The following LPAR1 variants were observed in gnomAD, a reference collection of about 807,000 sequenced individuals.
The protein encoded by LPAR1 is LPA receptor 1.
In LPAR1, 5 loss-of-function variants were observed where a neutral mutation model predicts 23.8. That is an observed-to-expected ratio of 0.21 (90% CI 0.11 to 0.44). The LOEUF is 0.44. LPAR1 is among the 20% of genes least tolerant of loss of function. The pLI, the probability that LPAR1 is intolerant of heterozygous loss-of-function variation, is 0.99. For synonymous variants in LPAR1, 160 were observed against 164.7 expected (o/e 0.97, Z 0.22); for missense variants, 311 against 482.8 (o/e 0.64, Z 3.33).
In LPAR1 at chr9:110,972,172, T is replaced by C; in HGVS notation, c.-55A>G. The C allele has an allele frequency of 2.6e-6, 4 of 1,545,058 alleles. No homozygotes were observed. The South Asian group carries it at 3.3e-5, about 13-fold the overall frequency. On this transcript the variant is annotated 5_prime_UTR_variant, in exon 4 of 6. Coordinates refer to ENST00000683809, the MANE Select transcript of LPAR1 (RefSeq NM_001351411.2). ...CGCCCCAGAACTACGGGAGACAAAT[T>C]TTCTTGTTTGCTGATCAGATCGAAG...
At position 110,941,604 on chromosome 9, in the gene LPAR1, C is replaced by A; in HGVS notation, c.610G>T (p.Asp204Tyr). The A allele has an allele frequency of 6.2e-7, 1 of 1,614,124 alleles. No individual in the cohort carries two copies. Among genetic ancestry groups the A allele is most frequent in the Non-Finnish European group, 8.5e-7 (1 of 1,180,002 alleles). The part of the protein sequence containing the change: ...NCSNMAPLYS[D>Y]SYLVFWAIFN... ...ATGGCCCAGAAGACTAAGTAAGAGTCACTGTAGAGGGGTGCCATGTTGGAA... is the reference window on the plus strand; with the variant it reads ...ATGGCCCAGAAGACTAAGTAAGAGTAACTGTAGAGGGGTGCCATGTTGGAA... Residue 204 changes from aspartate (D) to tyrosine (Y), a missense_variant, in exon 5 of 6, where the codon GAC (aspartate) becomes TAC (tyrosine). Coordinates refer to ENST00000683809, the MANE Select transcript of LPAR1 (RefSeq NM_001351411.2). This position sits in a 1 kb window ranked among gnomAD's most constrained non-coding sequence, Gnocchi z 6.1.
intron 4 of LPAR1, among the ~76,000 whole-genome samples, chr9:110,963,468 G>T (rs972027218): frequency 2.0e-5 from 3 of 152,096 alleles, no homozygotes; most frequent in Non-Finnish European, 4.4e-5. Context: ...GCCTTCCTTT[G>T]ATGGGTCTTC....
Position 110,911,936 on chromosome 9 carries a change from G to C in LPAR1, c.793+29485C>G, listed in dbSNP as rs149307861. 1.8e-4 allele frequency among the ~76,000 whole-genome samples: 28 copies of C among 152,306 alleles called. 1 individual carries two copies. In the East Asian group the frequency reaches 4.1e-3, roughly 22 times the overall value. ...AACACTTATAATACAGAAAAGGGCT[G>C]GGTGATTGTTTTAACGGCCAGCCGG... On this transcript the variant is annotated intron_variant, in intron 5 of 5. Transcript: ENST00000683809.
At chr9:110,929,991 A>T (rs2094297347) in intron 5 of LPAR1, among the ~76,000 whole-genome samples, 1 of 152,190 alleles carries the variant, frequency 6.6e-6, no homozygotes, top group Non-Finnish European at 1.5e-5. Flanking sequence ...CAGATGAAAC[A>T]GCTGCCTGTG....
chr9:110,876,033 C>T (rs1355453117), intron 5 of LPAR1, among the ~76,000 whole-genome samples: 1 of 152,170 alleles, frequency 6.6e-6, no homozygotes, highest in Non-Finnish European at 1.5e-5. Flanking sequence ...TCAGGAAACA[C>T]TTCACCTCAC....
intron 1 of LPAR1, among the ~76,000 whole-genome samples, chr9:111,036,496 C>T (rs2097898211): frequency 1.3e-5 from 2 of 152,092 alleles, no homozygotes; most frequent in South Asian, 2.1e-4. Flanking sequence ...CTTCCCCCTC[C>T]TACCTTTTCC....
At chr9:110,875,769 G>A (rs1225601449) in intron 5 of LPAR1, 47 bp from the exon 6 acceptor site, 3 of 1,074,576 alleles carry the variant, frequency 2.8e-6, no homozygotes, top group Non-Finnish European at 1.3e-6. Context: ...AAAAGAGAAT[G>A]AAAAAATATT....
chr9:110,879,396 T>C (rs901265942), intron 5 of LPAR1, among the ~76,000 whole-genome samples: 21 of 116,962 alleles, frequency 1.8e-4, no homozygotes, highest in African/African-American at 6.9e-4. Flanking sequence ...CCAGCCTGAG[T>C]GACAGAGCAA....
At chr9:111,011,562 T>C (rs766270684) in intron 2 of LPAR1, among the ~76,000 whole-genome samples, 7 of 152,218 alleles carry the variant, frequency 4.6e-5, no homozygotes, top group Non-Finnish European at 8.8e-5. Context: ...CCGATGAAGA[T>C]AGAGATCAGA....
chr9:110,950,791 T>A (rs1416578255), intron 4 of LPAR1, among the ~76,000 whole-genome samples: 1 of 152,158 alleles, frequency 6.6e-6, no homozygotes, highest in Non-Finnish European at 1.5e-5. Context: ...AATAGAGATG[T>A]AAAGATGTCA....
intron 5 of LPAR1, among the ~76,000 whole-genome samples, chr9:110,936,900 C>CATGGTCAAATA (rs1260319674): frequency 6.6e-6 from 1 of 152,114 alleles, no homozygotes; most frequent in Admixed American, 6.6e-5. Context: ...CAAGACATGC[C>CATGGTCAAATA]ATGGTCAAAT....
chr9:110,937,486 A>C (rs564434305), intron 5 of LPAR1, among the ~76,000 whole-genome samples: 1 of 152,282 alleles, frequency 6.6e-6, no homozygotes, highest in South Asian at 2.1e-4. Context: ...ACCTCTCCTT[A>C]CCTCAGTTTT....
At chr9:111,019,890 T>G (rs2097529864) in intron 2 of LPAR1, among the ~76,000 whole-genome samples, 1 of 152,146 alleles carries the variant, frequency 6.6e-6, no homozygotes, top group African/African-American at 2.4e-5. Flanking sequence ...AAAAAATTTA[T>G]TTTCTCATAA....
intron 4 of LPAR1, among the ~76,000 whole-genome samples, chr9:110,955,595 A>C (rs1294855163): frequency 6.6e-6 from 1 of 152,200 alleles, no homozygotes; most frequent in African/African-American, 2.4e-5. Flanking sequence ...CATTTCATCC[A>C]ACTGCTATAG....
At chr9:110,966,689 G>A (rs758435487) in intron 4 of LPAR1, among the ~76,000 whole-genome samples, 2 of 152,010 alleles carry the variant, frequency 1.3e-5, no homozygotes, top group Non-Finnish European at 2.9e-5. Context: ...ACAAATGAGA[G>A]ACAGAATGAT....
intron 5 of LPAR1, among the ~76,000 whole-genome samples, chr9:110,934,783 G>A (rs1471952260): frequency 1.3e-5 from 2 of 151,672 alleles, no homozygotes; most frequent in African/African-American, 2.4e-5. Context: ...GATTCCAGAG[G>A]TGCCCTGACT....
intron 5 of LPAR1, among the ~76,000 whole-genome samples, chr9:110,931,573 G>A (rs1267434032): frequency 1.3e-5 from 2 of 152,228 alleles, no homozygotes; most frequent in Admixed American, 6.5e-5. Flanking sequence ...TGCTTTTGGT[G>A]TTTTAGACAT....
intron 5 of LPAR1, among the ~76,000 whole-genome samples, chr9:110,918,342 C>CA (rs1174646492): frequency 6.6e-6 from 1 of 152,146 alleles, no homozygotes; most frequent in Non-Finnish European, 1.5e-5. Flanking sequence ...ATGAAACCAG[C>CA]ATGTTTCCTA....
intron 5 of LPAR1, among the ~76,000 whole-genome samples, chr9:110,912,305 G>A (rs1013779157): frequency 6.6e-6 from 1 of 152,160 alleles, no homozygotes; most frequent in East Asian, 1.9e-4. Flanking sequence ...TTGTGAGCTT[G>A]AACATTGCCA....
Sources: gnomAD v4.1 joint callset for allele counts (sites outside exome capture counted in the v4.1 genomes callset) on GRCh38, gnomAD v4.1.1 for gene constraint, Gnocchi (gnomAD v3.1) non-coding constraint, MANE v1.5 for transcripts, NCBI Gene and HGNC (gene_info 2026-07-23, HGNC 2026-07-21) for gene names.